TRIP4: variants seen among roughly 807,000 people sequenced by gnomAD.
The protein encoded by TRIP4 is thyroid hormone receptor interactor 4.
A neutral mutation model predicts 81.8 loss-of-function variants in TRIP4; 54 were observed. That is an observed-to-expected ratio of 0.66 (90% CI 0.53 to 0.83). TRIP4 has a LOEUF of 0.83. Among genes scored for constraint, TRIP4 ranks in the 40% least tolerant of loss-of-function variants. TRIP4 has a pLI of 0.00. For missense variants in TRIP4, 662 were observed against 683.6 expected, an observed-to-expected ratio of 0.97 and a Z score of 0.35; for synonymous variants, 270 against 242.8, an observed-to-expected ratio of 1.11 and a Z score of -1.04.
chr15:64,423,813 A>C lies in TRIP4; in HGVS notation c.1359-218A>C, dbSNP rs187735118. On this transcript the variant is annotated intron_variant, in intron 9 of 12. Coordinates refer to ENST00000261884, the MANE Select transcript of TRIP4 (RefSeq NM_016213.5). Reference sequence around the variant, plus strand: ...GAGTTGAGAGAGATGACTTGTCGCTATTCTGATGGAGGAGAAATTAGTGGA... The same window carrying C: ...GAGTTGAGAGAGATGACTTGTCGCTCTTCTGATGGAGGAGAAATTAGTGGA... 2.0e-3 allele frequency among the ~76,000 whole-genome samples: 305 copies of C among 152,322 alleles called. 1 individual carries two copies. Among genetic ancestry groups the C allele is most frequent in the African/African-American group, 7.1e-3 (295 of 41,570 alleles).
At chr15:64,453,885 T>C (rs1390611427) in intron 12 of TRIP4, among the ~76,000 whole-genome samples, 1 of 152,222 alleles carries the variant, frequency 6.6e-6, no homozygotes, top group African/African-American at 2.4e-5. Flanking sequence ...CTTAACTTAA[T>C]TGGACAAGTG....
chr15:64,406,395 A>G lies in TRIP4; in HGVS notation c.763A>G (p.Ile255Val). 2 of 1,614,228 alleles carry G rather than the reference A, an allele frequency of 1.2e-6. No individual in the cohort carries two copies. The highest frequency in any genetic ancestry group is 1.7e-6 in the Non-Finnish European group (2 of 1,180,040). ...KDLLPHQELR[I>V]KSGLEKAIKH... ...CCTTCTTCCTCATCAAGAATTGCGAATTAAGTCTGGTCTGGAGAAGGCTAT... is the reference window on the plus strand; with the variant it reads ...CCTTCTTCCTCATCAAGAATTGCGAGTTAAGTCTGGTCTGGAGAAGGCTAT... Residue 255 changes from isoleucine to valine, a missense_variant, in exon 6 of 13, where the codon ATT becomes GTT. Physicochemically the swap from Ile to Val is conservative, Grantham distance 29 (BLOSUM62 3). Coordinates refer to ENST00000261884, the MANE Select transcript of TRIP4 (RefSeq NM_016213.5).
At chr15:64,450,941 GTC>G (rs1892744535) in intron 12 of TRIP4, 2 of 226,470 alleles carry the variant, frequency 8.8e-6, no homozygotes, top group South Asian at 1.2e-4. Flanking sequence ...AAAATGATAT[GTC>G]TTTTTTTCTT....
intron 6 of TRIP4, among the ~76,000 whole-genome samples, chr15:64,408,798 A>G (rs963153414): frequency 6.6e-6 from 1 of 152,186 alleles, no homozygotes; most frequent in Non-Finnish European, 1.5e-5. Context: ...TGTCTCTGTC[A>G]GTATGATCTT....
chr15:64,414,193 G>A lies in TRIP4; in HGVS notation c.1152G>A (p.Met384Ile). The A allele has an allele frequency of 6.2e-7, 1 of 1,614,070 alleles. No individual in the cohort carries two copies. The highest frequency in any genetic ancestry group is 1.1e-5 in the South Asian group (1 of 91,078). The change falls in exon 8 of 13, where the codon ATG becomes ATA. Residue 384 changes from methionine to isoleucine, a missense_variant. Coordinates refer to ENST00000261884, the MANE Select transcript of TRIP4 (RefSeq NM_016213.5). ...EPLGVLVNPNMYQSPPQWVDH... is the reference protein window; with the variant it reads ...EPLGVLVNPNIYQSPPQWVDH... The stretch of plus-strand genomic sequence containing the variant: ...TGGGAGTTCTGGTAAATCCCAACAT[G>A]TACCAGTCCCCTCCCCAGGTTAGTG...
intron 8 of TRIP4, among the ~76,000 whole-genome samples, chr15:64,414,544 T>C (rs1471547570): frequency 8.6e-6 from 1 of 115,804 alleles, no homozygotes; most frequent in Admixed American, 1.3e-4. Flanking sequence ...TGAGATGGAG[T>C]CTCACTCTGT....
At position 64,414,171 on chromosome 15, in the gene TRIP4, G is replaced by C. The variant is rs535508634; in HGVS notation, c.1130G>C (p.Gly377Ala). 39 of 1,614,096 alleles carry C rather than the reference G, an allele frequency of 2.4e-5. No individual in the cohort carries two copies. The South Asian group carries it at 3.8e-4, about 16-fold the overall frequency. ...KLDRSSEEPL[G>A]VLVNPNMYQS... ...GATAGATCTTCTGAAGAGCCTTTGG[G>C]AGTTCTGGTAAATCCCAACATGTAC... The change falls in exon 8 of 13, where the codon GGA (glycine) becomes GCA (alanine). Residue 377 changes from glycine to alanine, a missense_variant. By Grantham distance (60) the Gly-to-Ala change is moderately conservative. Transcript: ENST00000261884.
chr15:64,442,716 G>A (rs1462315633), intron 11 of TRIP4, among the ~76,000 whole-genome samples: 3 of 151,980 alleles, frequency 2.0e-5, no homozygotes, highest in East Asian at 1.9e-4. Context: ...AGCCAGGCAC[G>A]GTGGCTCACG....
intron 11 of TRIP4, among the ~76,000 whole-genome samples, chr15:64,443,325 G>C (rs1285377640): frequency 6.6e-6 from 1 of 152,208 alleles, no homozygotes; most frequent in Non-Finnish European, 1.5e-5. Flanking sequence ...TGACATGGAA[G>C]AAGGAGGAGA....
At chr15:64,434,430 G>A (rs1056481756) in intron 11 of TRIP4, among the ~76,000 whole-genome samples, 1 of 151,922 alleles carries the variant, frequency 6.6e-6, no homozygotes, top group Admixed American at 6.6e-5. Context: ...GAAAAGGTAG[G>A]TTTGTTCAGA....
rs377304404 is a variant in TRIP4 at position 64,400,802 on chromosome 15, G to A, written c.678G>A (p.Leu226=). 89 of 1,613,912 alleles carry A rather than the reference G, an allele frequency of 5.5e-5. No individual in the cohort carries two copies. Among genetic ancestry groups the A allele is most frequent in the Non-Finnish European group, 7.0e-5 (83 of 1,179,948 alleles). Reference sequence around the variant, plus strand: ...GTGACTCAAACAAGAGCCAGAAACTGCTAAAGAAACTCATGTCAGGTAGAC... The same window carrying A: ...GTGACTCAAACAAGAGCCAGAAACTACTAAAGAAACTCATGTCAGGTAGAC... ...LQRDSNKSQK[L]LKKLMSGVEN... The change falls in exon 5 of 13, where the codon CTG becomes CTA. Residue 226 remains leucine (L), a synonymous_variant. Coordinates refer to ENST00000261884, the MANE Select transcript of TRIP4 (RefSeq NM_016213.5).
At chr15:64,394,254 A>C in intron 2 of TRIP4, 139 bp downstream of exon 2, 2 of 713,436 alleles carry the variant, frequency 2.8e-6, no homozygotes, top group Admixed American at 3.7e-5. Flanking sequence ...ACATATTTTT[A>C]GTTCGGTTCT....
At chr15:64,439,739 G>A (rs927707565) in intron 11 of TRIP4, among the ~76,000 whole-genome samples, 1 of 151,638 alleles carries the variant, frequency 6.6e-6, no homozygotes, top group South Asian at 2.1e-4. Flanking sequence ...GGCCAGGCTG[G>A]TTTTGAACTC....
At chr15:64,423,892 A>G in intron 9 of TRIP4, 139 bp from the exon 10 acceptor site, 1 of 954,310 alleles carries the variant, frequency 1.0e-6, no homozygotes, top group Non-Finnish European at 1.5e-6. Flanking sequence ...TTTTGACAAA[A>G]GATACTGCTC....
chr15:64,403,283 C>T (rs927542345), intron 5 of TRIP4, among the ~76,000 whole-genome samples: 9 of 152,096 alleles, frequency 5.9e-5, no homozygotes, highest in South Asian at 2.1e-4. Flanking sequence ...CAGCCTGCCA[C>T]GTAGCTGGGA....
intron 1 of TRIP4, among the ~76,000 whole-genome samples, chr15:64,392,379 T>G (rs1900161199): frequency 6.6e-6 from 1 of 152,154 alleles, no homozygotes; most frequent in Admixed American, 6.6e-5. Flanking sequence ...CAGTTAATCT[T>G]TTGGTGGGGA....
intron 11 of TRIP4, chr15:64,444,632 T>C (rs1205090546): frequency 6.5e-6 from 1 of 154,158 alleles, no homozygotes; most frequent in Non-Finnish European, 1.4e-5. Context: ...TCACTTGAGT[T>C]GAACCTAGGG....
At chr15:64,419,319 A>G (rs1891954860) in intron 9 of TRIP4, among the ~76,000 whole-genome samples, 2 of 152,120 alleles carry the variant, frequency 1.3e-5, no homozygotes, top group Admixed American at 1.3e-4. Context: ...AATATTTAAT[A>G]GCTTACTATT....
rs34758599 is a variant in TRIP4 at position 64,414,133 on chromosome 15, A to G, written c.1092A>G (p.Pro364=). Residue 364 remains proline, a synonymous_variant, in exon 8 of 13, where the codon CCA becomes CCG. Transcript: ENST00000261884. ...TTGCCAATGGAACCTTGAACCAGCC[A>G]CTGACCAAATTGGATAGATCTTCTG... ...QAIANGTLNQ[P]LTKLDRSSEE... 99,166 of 1,614,030 alleles carry G rather than the reference A, an allele frequency of 0.061. 3,459 individuals are homozygous for G. Among genetic ancestry groups the G allele is most frequent in the Middle Eastern group, 0.1 (630 of 6,062 alleles).
Sources: gnomAD v4.1 joint callset for allele counts (sites outside exome capture counted in the v4.1 genomes callset) on GRCh38, gnomAD v4.1.1 for gene constraint, MANE v1.5 for transcripts, NCBI Gene and HGNC (gene_info 2026-07-23, HGNC 2026-07-21) for gene names.